FOXP2: variants seen among roughly 807,000 people sequenced by gnomAD.
FOXP2 encodes forkhead box P2.
FOXP2 carries 12 observed loss-of-function variants against 115.8 expected under a neutral mutation model. The observed-to-expected ratio is 0.10, with a 90% CI of 0.07 to 0.17. The LOEUF is 0.17. Ranked by LOEUF, FOXP2 falls within the 10% of genes least tolerant of loss-of-function variation. FOXP2 has a pLI of 1.00. For missense variants in FOXP2, 629 were observed against 843.5 expected, an observed-to-expected ratio of 0.75 and a Z score of 3.15; for synonymous variants, 328 against 297.7, an observed-to-expected ratio of 1.10 and a Z score of -1.05.
At chr7:114,302,960 G>C (rs192528476) in intron 2 of FOXP2, among the ~76,000 whole-genome samples, 1 of 152,074 alleles carries the variant, frequency 6.6e-6, no homozygotes, top group Non-Finnish European at 1.5e-5. Flanking sequence ...TTAGAAGGGG[G>C]TCCTGAGCTC....
intron 1 of FOXP2, among the ~76,000 whole-genome samples, chr7:114,193,190 G>A (rs890203750): frequency 6.6e-6 from 1 of 151,954 alleles, no homozygotes; most frequent in Non-Finnish European, 1.5e-5. Flanking sequence ...AATAGTTATA[G>A]GTTTTAAATT....
chr7:114,335,592 A>G (rs1797834001), intron 2 of FOXP2, among the ~76,000 whole-genome samples: 2 of 151,904 alleles, frequency 1.3e-5, no homozygotes, highest in South Asian at 4.1e-4. Flanking sequence ...GCATGGAATT[A>G]TTTCCGAAGA....
intron 13 of FOXP2, chr7:114,661,813 C>G: frequency 2.3e-6 from 1 of 439,158 alleles, no homozygotes; most frequent in Admixed American, 3.5e-5. Flanking sequence ...TAGACCAGTT[C>G]AATGAAAGGA....
At chr7:114,433,605 A>T (rs1794208898) in intron 2 of FOXP2, among the ~76,000 whole-genome samples, 1 of 151,964 alleles carries the variant, frequency 6.6e-6, no homozygotes, top group Non-Finnish European at 1.5e-5. Context: ...TGTTATGAAG[A>T]TGCAAGTGTA....
chr7:114,210,480 T>C (rs921209043), intron 1 of FOXP2, among the ~76,000 whole-genome samples: 3 of 152,138 alleles, frequency 2.0e-5, no homozygotes, highest in African/African-American at 7.2e-5. Flanking sequence ...TTACCAGTGA[T>C]GGCTGCGAAA....
intron 1 of FOXP2, among the ~76,000 whole-genome samples, chr7:114,237,890 G>C (rs927305966): frequency 2.6e-5 from 4 of 152,062 alleles, no homozygotes; most frequent in African/African-American, 9.7e-5. Flanking sequence ...CACAAGAATT[G>C]CTTGAACCCA....
chr7:114,642,392 C>T lies in FOXP2; in HGVS notation c.776-18C>T, dbSNP rs777148956. 49 of 1,607,026 alleles carry T rather than the reference C, an allele frequency of 3.0e-5. No homozygotes were observed. Among genetic ancestry groups the T allele is most frequent in the Non-Finnish European group, 4.0e-5 (47 of 1,174,380 alleles). On this transcript the variant is annotated intron_variant, in intron 6 of 16. Coordinates refer to ENST00000350908, the MANE Select transcript of FOXP2 (RefSeq NM_014491.4). ...CCTTTACCTTGTTATGCTAGTGAAGCTTTCTTTCATTTTATAGCTGGCTTA... is the reference window on the plus strand; with the variant it reads ...CCTTTACCTTGTTATGCTAGTGAAGTTTTCTTTCATTTTATAGCTGGCTTA...
intron 1 of FOXP2, among the ~76,000 whole-genome samples, chr7:114,187,778 TA>T (rs569166998): frequency 2.9e-4 from 44 of 152,304 alleles, no homozygotes; most frequent in African/African-American, 1.0e-3. Flanking sequence ...CTGAGTAATT[TA>T]TAATGAATAG....
intron 2 of FOXP2, among the ~76,000 whole-genome samples, chr7:114,359,030 A>G (rs548741467): frequency 1.3e-5 from 2 of 152,142 alleles, no homozygotes; most frequent in Non-Finnish European, 2.9e-5. Context: ...GGGCTTATCA[A>G]AGGTCTTCAC....
intron 1 of FOXP2, among the ~76,000 whole-genome samples, chr7:114,416,002 T>A (rs1381219961): frequency 6.6e-6 from 1 of 152,038 alleles, no homozygotes. Flanking sequence ...TGTGAATTGA[T>A]GAGTAATTTT....
chr7:114,249,775 A>C (rs1217237189), intron 1 of FOXP2, among the ~76,000 whole-genome samples: 1 of 151,518 alleles, frequency 6.6e-6, no homozygotes, highest in Non-Finnish European at 1.5e-5. Context: ...TTCTGGTTCT[A>C]GGTCTTTGTT....
At chr7:114,321,136 A>G (rs1338341050) in intron 2 of FOXP2, among the ~76,000 whole-genome samples, 1 of 151,992 alleles carries the variant, frequency 6.6e-6, no homozygotes, top group Non-Finnish European at 1.5e-5. Context: ...GTTAGGTAAC[A>G]AGGAGCCTCG....
chr7:114,257,078 T>C (rs1795633743), intron 1 of FOXP2, among the ~76,000 whole-genome samples: 1 of 152,178 alleles, frequency 6.6e-6, no homozygotes, highest in African/African-American at 2.4e-5. Context: ...AACAGCATGG[T>C]ACTGGTACCA....
chr7:114,313,451 C>CAAA (rs1308508191), intron 2 of FOXP2, among the ~76,000 whole-genome samples: 1 of 122,628 alleles, frequency 8.2e-6, no homozygotes, highest in Non-Finnish European at 1.6e-5. Flanking sequence ...AAAGGTAAAA[C>CAAA]AAAAATATTG....
intron 2 of FOXP2, among the ~76,000 whole-genome samples, chr7:114,472,579 C>T (rs1024858320): frequency 1.3e-5 from 2 of 152,078 alleles, no homozygotes; most frequent in African/African-American, 4.8e-5. Context: ...AACTCCTGAC[C>T]TCAGGTGATC....
At chr7:114,388,316 T>C (rs1294705227) in intron 2 of FOXP2, among the ~76,000 whole-genome samples, 2 of 151,518 alleles carry the variant, frequency 1.3e-5, no homozygotes, top group Admixed American at 6.6e-5. Context: ...GTTATATTTC[T>C]GGTAAAAAAA....
At chr7:114,162,038 C>T (rs1237689172), upstream of FOXP2, among the ~76,000 whole-genome samples, 2 of 152,122 alleles carry the variant, frequency 1.3e-5, no homozygotes, top group Non-Finnish European at 2.9e-5. Flanking sequence ...CTGCTTTGGC[C>T]TCCCAAAGTG....
At chr7:114,430,231 T>C (rs550620536) in intron 2 of FOXP2, among the ~76,000 whole-genome samples, 1 of 151,896 alleles carries the variant, frequency 6.6e-6, no homozygotes, top group African/African-American at 2.4e-5. Context: ...GTACCGACTT[T>C]AGATTAAATT....
chr7:114,098,553 A>T (rs1205115058), intron 1 of FOXP2, among the ~76,000 whole-genome samples: 1 of 152,210 alleles, frequency 6.6e-6, no homozygotes, highest in Non-Finnish European at 1.5e-5. Context: ...CTTATCTTAC[A>T]CCAGATACAA....
Sources: gnomAD v4.1 joint callset for allele counts (sites outside exome capture counted in the v4.1 genomes callset) on GRCh38, gnomAD v4.1.1 for gene constraint, MANE v1.5 for transcripts, NCBI Gene and HGNC (gene_info 2026-07-23, HGNC 2026-07-21) for gene names.